Variants in FAM20B observed in about 807,000 individuals in gnomAD.
FAM20B encodes the protein glycosaminoglycan xylosylkinase.
Under a neutral mutation model 43.8 loss-of-function variants are expected in FAM20B, and 23 were observed. The observed-to-expected ratio is 0.53, with a 90% CI of 0.38 to 0.74. The LOEUF is 0.74. Among genes scored for constraint, FAM20B ranks in the 30% least tolerant of loss-of-function variants. The pLI, the probability that FAM20B is intolerant of heterozygous loss-of-function variation, is 0.00. For missense variants in FAM20B, 440 were observed against 510.5 expected (o/e 0.86, Z 1.33); for synonymous variants, 178 against 192.4 (o/e 0.93, Z 0.62).
intron 4 of FAM20B, among the ~76,000 whole-genome samples, chr1:179,057,270 A>G (rs1010140969): frequency 1.3e-5 from 2 of 152,158 alleles, no homozygotes; most frequent in Non-Finnish European, 2.9e-5. Context: ...GCTTGAACCC[A>G]GGAGACAGAG....
upstream of FAM20B, among the ~76,000 whole-genome samples, chr1:179,022,218 C>A (rs1360247582): frequency 2.0e-5 from 3 of 152,162 alleles, no homozygotes. Context: ...AGAGAACAAA[C>A]CTGCCTGGGA....
chr1:179,019,687 C>G, the FAM20B span, among the ~76,000 whole-genome samples: 2 of 152,102 alleles, frequency 1.3e-5, no homozygotes, highest in African/African-American at 2.4e-5. Flanking sequence ...GTCTCAAACT[C>G]CCGACCTCAG....
chr1:179,069,212 C>T (rs1651816787), intron 7 of FAM20B, among the ~76,000 whole-genome samples: 1 of 152,140 alleles, frequency 6.6e-6, no homozygotes, highest in South Asian at 2.1e-4. Flanking sequence ...AGTGGATGAC[C>T]TCTCTGCCTC....
rs998689944 is a variant in FAM20B, at chr1:179,065,932, A to G, written c.939-868A>G. ...GATGGTGCCTTCTATGTGTCCTCAT[A>G]TGGCAGAAGAGGTAAACACGCTCCC... On this transcript the variant is annotated intron_variant, in intron 6 of 7. Coordinates refer to ENST00000263733, the MANE Select transcript of FAM20B (RefSeq NM_014864.4). Among the ~76,000 whole-genome samples the G allele has an allele frequency of 4.6e-5, 7 of 152,168 alleles. No individual in the cohort carries two copies. The East Asian group carries it at 1.3e-3, about 29-fold the overall frequency.
chr1:179,042,527 G>A (rs1650589445), intron 1 of FAM20B, among the ~76,000 whole-genome samples: 1 of 152,154 alleles, frequency 6.6e-6, no homozygotes, highest in Admixed American at 6.5e-5. Flanking sequence ...TCCACAAAGG[G>A]CCCCAGCTCT....
chr1:179,061,374 C>G (rs1013650203), intron 4 of FAM20B, among the ~76,000 whole-genome samples: 1 of 150,454 alleles, frequency 6.6e-6, no homozygotes, highest in African/African-American at 2.4e-5. Context: ...TTGAAATGCT[C>G]TCTCTCAGCA....
At chr1:179,045,993 T>C (rs572801597) in intron 2 of FAM20B, among the ~76,000 whole-genome samples, 87 of 152,282 alleles carry the variant, frequency 5.7e-4, no homozygotes, top group African/African-American at 1.9e-3. Context: ...CTAAGTACTT[T>C]TGTATCTCTT....
intron 2 of FAM20B, among the ~76,000 whole-genome samples, chr1:179,044,879 T>C (rs954581427): frequency 6.6e-6 from 1 of 152,248 alleles, no homozygotes; most frequent in East Asian, 1.9e-4. Context: ...ACTGCTAAAC[T>C]ATCTTCCAAA....
the FAM20B span, among the ~76,000 whole-genome samples, chr1:179,019,528 T>C: frequency 4.0e-5 from 6 of 151,432 alleles, no homozygotes; most frequent in African/African-American, 1.5e-4. Flanking sequence ...AATGGCACGA[T>C]CTTGGCTCAC....
intron 7 of FAM20B, 152 bp downstream of exon 7, chr1:179,067,011 T>C: frequency 1.6e-6 from 1 of 624,022 alleles, no homozygotes; most frequent in East Asian, 2.7e-5. Flanking sequence ...CATCCTGAAA[T>C]GGGATATCAG....
rs1237509616 is a variant in FAM20B, at chr1:179,064,110, T to A, written c.746+12T>A. On this transcript the variant is annotated intron_variant, in intron 5 of 7. Transcript: ENST00000263733. ...GGCAAATTGGCCAGGTAAATGCTCC[T>A]ATGAGCCATTACTTAATTCTCCCCT... The A allele has an allele frequency of 1.3e-6, 2 of 1,599,740 alleles. No individual in the cohort carries two copies. Among genetic ancestry groups the A allele is most frequent in the Non-Finnish European group, 1.7e-6 (2 of 1,171,276 alleles).
Position 179,064,316 on chromosome 1 carries a change from A to T in FAM20B, c.758A>T (p.Asp253Val). ...REGKLARWEYDESYCDAVKKT... is the reference protein window; with the variant it reads ...REGKLARWEYVESYCDAVKKT... ...CTGCTTGTCTCCAGGTGGGAGTATG[A>T]TGAGAGCTACTGTGATGCTGTGAAG... is the stretch of plus-strand genomic sequence containing the variant. Residue 253 changes from aspartate to valine, a missense_variant, in exon 6 of 8, where the codon GAT (aspartate) becomes GTT (valine). By Grantham distance (152) the Asp-to-Val change is radical. Transcript: ENST00000263733. The T allele has an allele frequency of 6.2e-7, 1 of 1,606,388 alleles. No individual in the cohort carries two copies. The highest frequency in any genetic ancestry group is 8.5e-7 in the Non-Finnish European group (1 of 1,174,246).
At chr1:179,047,977 T>A (rs1254264938) in intron 2 of FAM20B, among the ~76,000 whole-genome samples, 1 of 152,200 alleles carries the variant, frequency 6.6e-6, no homozygotes, top group Non-Finnish European at 1.5e-5. Context: ...AGCCTGATTA[T>A]CCATGTCCTG....
At chr1:179,030,757 A>G (rs2102481322) in intron 1 of FAM20B, among the ~76,000 whole-genome samples, 1 of 152,290 alleles carries the variant, frequency 6.6e-6, no homozygotes, top group Admixed American at 6.5e-5. Context: ...TTTATTCCAC[A>G]AACACTTATC....
At chr1:179,026,623 G>T (rs1010354778) in intron 1 of FAM20B, among the ~76,000 whole-genome samples, 1 of 152,224 alleles carries the variant, frequency 6.6e-6, no homozygotes, top group African/African-American at 2.4e-5. Context: ...GAGGCGGAAG[G>T]CGGGGCAACC....
chr1:179,045,331 G>T (rs945060736), intron 2 of FAM20B, among the ~76,000 whole-genome samples: 1 of 152,130 alleles, frequency 6.6e-6, no homozygotes, highest in African/African-American at 2.4e-5. Flanking sequence ...GAAATCTTTT[G>T]GGTACTAAAC....
chr1:179,048,052 T>A lies in FAM20B; in HGVS notation c.378-2227T>A, dbSNP rs182492625. 3.5e-3 allele frequency among the ~76,000 whole-genome samples: 532 copies of A among 152,302 alleles called. 2 individuals carry two copies. Among genetic ancestry groups the A allele is most frequent in the African/African-American group, 0.012 (507 of 41,560 alleles). On this transcript the variant is annotated intron_variant, in intron 2 of 7. Coordinates refer to ENST00000263733, the MANE Select transcript of FAM20B (RefSeq NM_014864.4). The stretch of plus-strand genomic sequence containing the variant: ...TATATATGGGAATAGAGTGACACTT[T>A]TATTTACACATTTTGCCTTACATTA...
chr1:179,023,798 TCA>T (rs1649647612), upstream of FAM20B, among the ~76,000 whole-genome samples: 1 of 152,202 alleles, frequency 6.6e-6, no homozygotes, highest in South Asian at 2.1e-4. Context: ...CTTTCAGTGA[TCA>T]CAGAGTCTGT....
chr1:179,056,808 T>C (rs1651237997), intron 4 of FAM20B, among the ~76,000 whole-genome samples: 1 of 152,178 alleles, frequency 6.6e-6, no homozygotes, highest in East Asian at 1.9e-4. Context: ...TGTTGTCATA[T>C]TTTGGATTTT....
Sources: allele counts gnomAD v4.1 joint callset (sites outside exome capture counted in the v4.1 genomes callset), GRCh38; gene constraint gnomAD v4.1.1; transcripts MANE v1.5; gene names NCBI Gene and HGNC (gene_info 2026-07-23, HGNC 2026-07-21).